Variants in ELFN2 observed in about 807,000 individuals in gnomAD.
ELFN2 encodes the protein extracellular leucine rich repeat and fibronectin type III domain containing 2, also known as protein phosphatase 1 regulatory subunit 29.
A neutral mutation model predicts 45.5 loss-of-function variants in ELFN2; 17 were observed. The ratio of observed to expected loss-of-function variants is 0.37; its 90% CI spans 0.26 to 0.56. The LOEUF is 0.56. ELFN2 is among the 20% of genes least tolerant of loss of function. The pLI is 0.77. For missense variants in ELFN2, 922 were observed against 1,183.2 expected (o/e 0.78, Z 3.24); for synonymous variants, 550 against 551.5 (o/e 1.00, Z 0.04).
chr22:37,364,250 C>T (rs1227011971), downstream of ELFN2, among the ~76,000 whole-genome samples: 3 of 152,282 alleles, frequency 2.0e-5, no homozygotes, highest in East Asian at 3.9e-4. Context: ...ATGGAAGCCT[C>T]GGGGAGGCCA....
intron 1 of ELFN2, among the ~76,000 whole-genome samples, chr22:37,347,812 G>A (rs1930733014): frequency 6.6e-6 from 1 of 152,202 alleles, no homozygotes; most frequent in Admixed American, 6.5e-5. Flanking sequence ...GGAACCCCCA[G>A]ATTCCTTGGA....
chr22:37,344,520 A>C (rs1461107119), intron 1 of ELFN2, among the ~76,000 whole-genome samples: 1 of 151,910 alleles, frequency 6.6e-6, no homozygotes, highest in African/African-American at 2.4e-5. Context: ...GCCCCCACAC[A>C]GGTGGCCTTC....
Position 37,374,400 on chromosome 22 carries a change from T to G in ELFN2, c.1135A>C (p.Thr379Pro). The G allele has an allele frequency of 1.2e-6, 2 of 1,613,742 alleles. No individual in the cohort carries two copies. Among genetic ancestry groups the G allele is most frequent in the Non-Finnish European group, 1.7e-6 (2 of 1,179,848 alleles). ...RFNHTCLTFT[T>P]RDPVPGDLAP... The stretch of plus-strand genomic sequence containing the variant: ...AAGTCTCCGGGGACGGGGTCCCGCG[T>G]GGTGAAGGTCAGGCAGGTGTGGTTG... Residue 379 changes from threonine to proline, a missense_variant, in exon 3 of 3, where the codon ACG becomes CCG. Coordinates refer to ENST00000402918, the MANE Select transcript of ELFN2 (RefSeq NM_052906.5).
At chr22:37,383,475 C>T (rs1230608058) in intron 2 of ELFN2, among the ~76,000 whole-genome samples, 2 of 152,174 alleles carry the variant, frequency 1.3e-5, no homozygotes, top group East Asian at 1.9e-4. Context: ...CTCTGGGTCC[C>T]GGGGGAGCTG....
rs1303662030 is a variant in ELFN2 at position 37,370,394 on chromosome 22, C to T, written c.*2678G>A. 6.6e-6 allele frequency: 1 copy of T among 152,316 alleles called. No individual in the cohort carries two copies. Among genetic ancestry groups the T allele is most frequent in the East Asian group, 1.9e-4 (1 of 5,184 alleles). 9.4% of individuals were successfully genotyped at this position (152,316 alleles called of 1,614,324 possible). A position where few individuals can be genotyped will look rare whatever the true frequency, so the allele number is the denominator to read the frequency against. ...CCCCACGAAGCCCCAAGCTCCTGGCCTCCTACACTCAGCAGTGTGACTGAT... is the reference window on the plus strand; with the variant it reads ...CCCCACGAAGCCCCAAGCTCCTGGCTTCCTACACTCAGCAGTGTGACTGAT... On this transcript the variant is annotated 3_prime_UTR_variant, in exon 3 of 3. Coordinates refer to ENST00000402918, the MANE Select transcript of ELFN2 (RefSeq NM_052906.5).
chr22:37,419,765 C>G (rs1382248854), intron 1 of ELFN2, among the ~76,000 whole-genome samples: 2 of 152,218 alleles, frequency 1.3e-5, no homozygotes, highest in Admixed American at 1.3e-4. Context: ...AGCACAGCCA[C>G]GCCTGCACGC....
rs77537581 is a variant in ELFN2 at position 37,351,447 on chromosome 22, G to C, written n.149-8744C>G. On this transcript the variant is annotated intron_variant and non_coding_transcript_variant, in intron 1 of 2. Transcript: ENST00000452946. ...CCACCTCCCTCACCTCTCCTCGAGT[G>C]ACAGGTGCTGGGTGCTGGCATTGAC... 4.2e-3 allele frequency among the ~76,000 whole-genome samples: 627 copies of C among 150,184 alleles called. 7 individuals are homozygous for C. The highest frequency in any genetic ancestry group is 0.014 in the African/African-American group (589 of 41,340).
chr22:37,360,913 G>A (rs141008410), intron 1 of ELFN2, among the ~76,000 whole-genome samples: 103 of 152,260 alleles, frequency 6.8e-4, no homozygotes, highest in African/African-American at 2.3e-3. Flanking sequence ...GAAGCGCGGC[G>A]CTCCCCTCTA....
At chr22:37,381,487 C>A (rs1358579738) in intron 2 of ELFN2, among the ~76,000 whole-genome samples, 1 of 152,042 alleles carries the variant, frequency 6.6e-6, no homozygotes, top group Non-Finnish European at 1.5e-5. Flanking sequence ...ATGTTCTTCC[C>A]CCAGAATCCC....
Position 37,370,974 on chromosome 22 carries a change from G to A in ELFN2, c.*2098C>T, listed in dbSNP as rs1218096792. ...TGCCAAGGGGGTGTGAGGAGGGGTT[G>A]GGGGGCAGGTTTTGGGGGCCGGGGG... On this transcript the variant is annotated 3_prime_UTR_variant, in exon 3 of 3. Coordinates refer to ENST00000402918, the MANE Select transcript of ELFN2 (RefSeq NM_052906.5). The A allele has an allele frequency of 6.6e-6, 1 of 151,800 alleles. No homozygotes were observed. Among genetic ancestry groups the A allele is most frequent in the African/African-American group, 2.4e-5 (1 of 41,288 alleles). 9.4% of individuals were successfully genotyped at this position (151,800 alleles called of 1,614,324 possible).
rs1436385741 is a variant in ELFN2 at position 37,375,300 on chromosome 22, C to G, written c.235G>C (p.Gly79Arg). 1 of 1,613,952 alleles carries G rather than the reference C, an allele frequency of 6.2e-7. No individual in the cohort carries two copies. ...AVLYSSLNRF[G>R]NLTDLNLTKN... ...GTGAGGTTGAGGTCGGTGAGGTTCC[C>G]AAAGCGGTTGAGCGAGGAGTAGAGC... The change falls in exon 3 of 3, where the codon GGG becomes CGG. Residue 79 changes from glycine to arginine, a missense_variant. Coordinates refer to ENST00000402918, the MANE Select transcript of ELFN2 (RefSeq NM_052906.5).
At chr22:37,365,638 G>A (rs1029143987), downstream of ELFN2, among the ~76,000 whole-genome samples, 2 of 152,206 alleles carry the variant, frequency 1.3e-5, no homozygotes, top group African/African-American at 4.8e-5. Flanking sequence ...CCCACTTAGA[G>A]GGCATGACAC....
rs1454238030 is a variant in ELFN2 at position 37,375,106 on chromosome 22, C to T, written c.429G>A (p.Thr143=). Residue 143 remains threonine, a synonymous_variant, in exon 3 of 3, where the codon ACG becomes ACA. Transcript: ENST00000402918. ...TCGGGCACTCGGAGAAGGCGGTGGG[C>T]GTCACCACCTCGATGAGGTTGTGCT... The part of the protein sequence containing the change: ...FVQHNLIEVV[T]PTAFSECPSL... The T allele has an allele frequency of 4.3e-6, 7 of 1,613,670 alleles. No homozygotes were observed. Among genetic ancestry groups the T allele is most frequent in the East Asian group, 2.2e-5 (1 of 44,872 alleles).
At chr22:37,407,649 A>T (rs190859560) in intron 2 of ELFN2, among the ~76,000 whole-genome samples, 1 of 152,012 alleles carries the variant, frequency 6.6e-6, no homozygotes, top group Non-Finnish European at 1.5e-5. Flanking sequence ...TGTAATCCCA[A>T]TACTTTGGGA....
rs1931450412 is a variant in ELFN2 at position 37,373,524 on chromosome 22, T to TGAGGGGGCTGCCCTTCTCGATGTAC, written c.1986_2010dup (p.Asn671ValfsTer78). On this transcript the variant is annotated frameshift_variant, in exon 3 of 3. Coordinates refer to ENST00000402918, the MANE Select transcript of ELFN2 (RefSeq NM_052906.5). LOFTEE classifies it high-confidence loss of function. ...AGCGGGAGCCGGTCCAGCGGGCTGTTGAGGGGGCTGCCCTTCTCGATGTAC... is the reference window on the plus strand; with the variant it reads ...AGCGGGAGCCGGTCCAGCGGGCTGTTGAGGGGGCTGCCCTTCTCGATGTACGAGGGGGCTGCCCTTCTCGATGTAC... The TGAGGGGGCTGCCCTTCTCGATGTAC allele has an allele frequency of 6.4e-7, 1 of 1,572,130 alleles. No homozygotes were observed. Among genetic ancestry groups the TGAGGGGGCTGCCCTTCTCGATGTAC allele is most frequent in the Non-Finnish European group, 8.6e-7 (1 of 1,160,994 alleles).
intron 1 of ELFN2, among the ~76,000 whole-genome samples, chr22:37,351,175 C>T (rs528273744): frequency 2.7e-5 from 4 of 149,674 alleles, no homozygotes; most frequent in African/African-American, 4.8e-5. Flanking sequence ...TCTCCCCTCT[C>T]TCCTCCCAGT....
At chr22:37,392,166 T>A (rs73166409) in intron 2 of ELFN2, among the ~76,000 whole-genome samples, 17,146 of 152,246 alleles carry the variant, frequency 0.11, 1,198 homozygotes, top group Non-Finnish European at 0.16. Flanking sequence ...CCTCAACCAC[T>A]TCTCTGCCCC....
intron 2 of ELFN2, among the ~76,000 whole-genome samples, chr22:37,379,161 C>T (rs376885161): frequency 2.6e-5 from 4 of 152,186 alleles, no homozygotes; most frequent in East Asian, 1.9e-4. Context: ...GGAGAAAGCG[C>T]GTCTGAGACA....
At position 37,387,818 on chromosome 22, in the gene ELFN2, C is replaced by T. The variant is rs573918427; in HGVS notation, c.-462-11822G>A. Among the ~76,000 whole-genome samples, 7 of 152,198 alleles carry T rather than the reference C, an allele frequency of 4.6e-5. No individual in the cohort carries two copies. In the South Asian group the frequency reaches 1.5e-3, roughly 32 times the overall value. On this transcript the variant is annotated intron_variant, in intron 2 of 2. Coordinates refer to ENST00000402918, the MANE Select transcript of ELFN2 (RefSeq NM_052906.5). ...TACCCCAAGAGCCCTTCAACCCTTC[C>T]CAAGGCTTCTAATGTCAGCTCTGGG... is the stretch of plus-strand genomic sequence containing the variant.
Sources: allele counts gnomAD v4.1 joint callset (sites outside exome capture counted in the v4.1 genomes callset), GRCh38; gene constraint gnomAD v4.1.1; transcripts MANE v1.5; gene names NCBI Gene and HGNC (gene_info 2026-07-23, HGNC 2026-07-21).